The following PHACTR1 variants were observed in gnomAD, a reference collection of about 807,000 sequenced individuals.
PHACTR1 encodes the protein RPEL repeat containing 1.
PHACTR1 carries 16 observed loss-of-function variants against 69.2 expected under a neutral mutation model. The ratio of observed to expected loss-of-function variants is 0.23; its 90% confidence interval spans 0.16 to 0.35. The LOEUF (loss-of-function observed/expected upper bound fraction) is 0.35, where lower values mean the gene tolerates loss of function less well. Among genes scored for constraint, PHACTR1 ranks in the 10% least tolerant of loss-of-function variants. The probability of loss-of-function intolerance (pLI) is 1.00; values close to 1 mark genes in which losing one functional copy is unlikely to be tolerated. For missense variants in PHACTR1, 510 were observed against 734.7 expected (o/e 0.69, Z 3.54); for synonymous variants, 312 against 284.5 (o/e 1.10, Z -0.97).
intron 4 of PHACTR1, among the ~76,000 whole-genome samples, chr6:12,762,076 C>T (rs1431874429): frequency 2.6e-5 from 4 of 152,160 alleles, no homozygotes; most frequent in Non-Finnish European, 2.9e-5. Flanking sequence ...AGTTTTGGTG[C>T]GGGACCTATA....
At chr6:13,111,494 C>T (rs1224457889) in intron 5 of PHACTR1, among the ~76,000 whole-genome samples, 2 of 152,148 alleles carry the variant, frequency 1.3e-5, no homozygotes, top group African/African-American at 4.8e-5. Context: ...CAGCCATTCC[C>T]TGTCGCACAC....
intron 5 of PHACTR1, among the ~76,000 whole-genome samples, chr6:13,098,360 ACTC>A (rs1254253003): frequency 3.3e-5 from 5 of 150,098 alleles, no homozygotes; most frequent in Non-Finnish European, 7.4e-5. Flanking sequence ...CTCCCTTGCT[ACTC>A]CTCCACCTCT....
intron 5 of PHACTR1, among the ~76,000 whole-genome samples, chr6:13,089,691 G>A (rs932611237): frequency 6.6e-6 from 1 of 152,178 alleles, no homozygotes; most frequent in African/African-American, 2.4e-5. Flanking sequence ...TCTGGAGTCC[G>A]GATGATGCTT....
chr6:13,078,921 G>C (rs182870122), intron 5 of PHACTR1, among the ~76,000 whole-genome samples: 1 of 152,202 alleles, frequency 6.6e-6, no homozygotes, highest in Non-Finnish European at 1.5e-5. Flanking sequence ...ATTAGGAATA[G>C]ATCTGTGCCC....
Position 12,884,494 on chromosome 6 carries a change from G to A in PHACTR1, c.250+134704G>A, listed in dbSNP as rs551554667. 3.0e-3 allele frequency among the ~76,000 whole-genome samples: 461 copies of A among 151,942 alleles called. 3 individuals are homozygous for A. Among genetic ancestry groups the A allele is most frequent in the Non-Finnish European group, 4.3e-3 (291 of 67,966 alleles). On this transcript the variant is annotated intron_variant, in intron 4 of 14. Transcript: ENST00000332995. ...CGGCTCACTGCAAGCTCCGCCTCCT[G>A]GGTTCATGCCACTCCCTTGCCTCAG...
At chr6:12,729,449 C>T (rs190754797) in intron 3 of PHACTR1, among the ~76,000 whole-genome samples, 25 of 152,230 alleles carry the variant, frequency 1.6e-4, no homozygotes, top group Non-Finnish European at 2.2e-4. Context: ...TGTGAAGTGG[C>T]CTGTGACAAG....
chr6:13,230,106 G>T lies in PHACTR1; in HGVS notation c.1304G>T (p.Arg435Leu). Residue 435 changes from arginine to leucine, a missense_variant, in exon 10 of 15, where the codon CGA (arginine) becomes CTA (leucine). By Grantham distance (102) the Arg-to-Leu change is moderately radical. This residue lies in a region of PHACTR1 where 91 missense variants were observed against 203.8 expected (regional missense o/e 0.45). Coordinates refer to ENST00000332995, the MANE Select transcript of PHACTR1 (RefSeq NM_030948.6). Reference protein sequence around the residue: ...AIKLSNRPSKRELEEKNILPR... With the variant: ...AIKLSNRPSKLELEEKNILPR... The stretch of plus-strand genomic sequence containing the variant: ...AAACTCAGCAACAGGCCCTCCAAGC[G>T]AGAGCTGGAAGAAAAGAACATCCTT... The T allele has an allele frequency of 6.2e-7, 1 of 1,611,324 alleles. No individual in the cohort carries two copies. The highest frequency in any genetic ancestry group is 1.1e-5 in the South Asian group (1 of 90,286).
At chr6:13,065,061 T>C (rs372741690) in intron 5 of PHACTR1, among the ~76,000 whole-genome samples, 32 of 152,096 alleles carry the variant, frequency 2.1e-4, no homozygotes, top group African/African-American at 7.2e-4. Context: ...AGCAGATTTG[T>C]GAGGGGAAAA....
At chr6:12,844,811 A>G (rs566533337) in intron 4 of PHACTR1, among the ~76,000 whole-genome samples, 1 of 152,314 alleles carries the variant, frequency 6.6e-6, no homozygotes, top group East Asian at 1.9e-4. Flanking sequence ...AATGATGGGA[A>G]AGTGGCTTGG....
chr6:13,262,240 A>T (rs571623015), intron 10 of PHACTR1, among the ~76,000 whole-genome samples: 1 of 152,288 alleles, frequency 6.6e-6, no homozygotes, highest in South Asian at 2.1e-4. Flanking sequence ...TTCAGACAGG[A>T]TGATTCCCAG....
At chr6:12,813,464 C>A (rs2127699006) in intron 4 of PHACTR1, among the ~76,000 whole-genome samples, 1 of 152,306 alleles carries the variant, frequency 6.6e-6, no homozygotes, top group East Asian at 1.9e-4. Context: ...CTACTGCATT[C>A]TTTCCAATTA....
intron 5 of PHACTR1, among the ~76,000 whole-genome samples, chr6:13,120,232 T>C (rs1484705654): frequency 6.6e-6 from 1 of 152,116 alleles, no homozygotes; most frequent in Non-Finnish European, 1.5e-5. Context: ...TCCTTTCTTC[T>C]CCCTCCCTGC....
intron 3 of PHACTR1, among the ~76,000 whole-genome samples, chr6:12,740,136 T>G (rs1050289561): frequency 1.3e-5 from 2 of 152,336 alleles, no homozygotes. Context: ...ATCTAAGAGA[T>G]TCGTCCTTGT....
intron 4 of PHACTR1, among the ~76,000 whole-genome samples, chr6:12,803,825 A>AAT (rs1773981765): frequency 6.6e-6 from 1 of 152,174 alleles, no homozygotes; most frequent in Admixed American, 6.5e-5. Flanking sequence ...AGTTGTGACA[A>AAT]ACAAAAAAAT....
intron 4 of PHACTR1, among the ~76,000 whole-genome samples, chr6:12,961,406 G>A (rs900731060): frequency 6.6e-6 from 1 of 152,116 alleles, no homozygotes; most frequent in African/African-American, 2.4e-5. Flanking sequence ...GAAAGACTTG[G>A]TTATAAATTC....
intron 4 of PHACTR1, among the ~76,000 whole-genome samples, chr6:12,966,374 G>A (rs1489251181): frequency 1.3e-5 from 2 of 152,224 alleles, no homozygotes; most frequent in African/African-American, 4.8e-5. Flanking sequence ...GAGGCTCAAA[G>A]AAGTAAAGTA....
At chr6:13,034,326 C>T (rs954682396) in intron 4 of PHACTR1, among the ~76,000 whole-genome samples, 2 of 152,190 alleles carry the variant, frequency 1.3e-5, no homozygotes, top group Non-Finnish European at 2.9e-5. Context: ...CAGGACTTTT[C>T]TTTTTCTAAT....
intron 4 of PHACTR1, among the ~76,000 whole-genome samples, chr6:13,023,657 C>G (rs1201660645): frequency 6.6e-6 from 1 of 152,232 alleles, no homozygotes; most frequent in Non-Finnish European, 1.5e-5. Context: ...GAAGCACCAT[C>G]TTCTTTTGAT....
At chr6:12,990,549 T>C (rs1373141986) in intron 4 of PHACTR1, among the ~76,000 whole-genome samples, 1 of 152,254 alleles carries the variant, frequency 6.6e-6, no homozygotes, top group Non-Finnish European at 1.5e-5. Context: ...TCCAGCCCCA[T>C]GGCAGCATTC....
Sources: gnomAD v4.1 joint callset for allele counts (sites outside exome capture counted in the v4.1 genomes callset) on GRCh38, gnomAD v4.1.1 for gene constraint, gnomAD v4.1.1 regional missense constraint, MANE v1.5 for transcripts, NCBI Gene and HGNC (gene_info 2026-07-23, HGNC 2026-07-21) for gene names.